The following CPPED1 variants were observed in gnomAD, a reference collection of about 807,000 sequenced individuals.
The protein encoded by CPPED1 is calcineurin like phosphoesterase domain containing 1, also known as serine/threonine-protein phosphatase CPPED1.
A neutral mutation model predicts 28.0 loss-of-function variants in CPPED1; 28 were observed. The observed-to-expected ratio is 1.00, with a 90% CI of 0.74 to 1.37. The LOEUF (loss-of-function observed/expected upper bound fraction) is 1.37, where lower values mean the gene tolerates loss of function less well. Among genes scored for constraint, CPPED1 ranks in the 40% most tolerant of loss-of-function variants. The pLI, the probability that CPPED1 is intolerant of heterozygous loss-of-function variation, is 0.00. For missense variants in CPPED1, 504 were observed against 416.5 expected (o/e 1.21, Z -1.83); for synonymous variants, 198 against 180.2 (o/e 1.10, Z -0.79).
chr16:12,730,705 G>A (rs1005539029), intron 2 of CPPED1, among the ~76,000 whole-genome samples: 2 of 152,124 alleles, frequency 1.3e-5, no homozygotes, highest in East Asian at 3.8e-4. Context: ...AGTCAATACC[G>A]CATGATTTCA....
At chr16:12,775,971 G>A (rs915294679) in intron 2 of CPPED1, among the ~76,000 whole-genome samples, 2 of 152,198 alleles carry the variant, frequency 1.3e-5, no homozygotes, top group African/African-American at 4.8e-5. Flanking sequence ...CTCCAGAGAT[G>A]TTCGACATCC....
At position 12,690,007 on chromosome 16, in the gene CPPED1, C is replaced by T. The variant is rs143852703; in HGVS notation, c.715+14617G>A. 1.1e-4 allele frequency among the ~76,000 whole-genome samples: 16 copies of T among 152,326 alleles called. 1 individual carries two copies. The highest frequency in any genetic ancestry group is 1.3e-4 in the Non-Finnish European group (9 of 68,028). ...ACACAAGTTGAAATTAACTGATTGC[C>T]ATAATTTGTCTCTTTTCTCAAGACA... On this transcript the variant is annotated intron_variant, in intron 3 of 3. Coordinates refer to ENST00000381774, the MANE Select transcript of CPPED1 (RefSeq NM_018340.3).
intron 2 of CPPED1, among the ~76,000 whole-genome samples, chr16:12,739,840 G>A (rs1420321353): frequency 6.6e-6 from 1 of 152,118 alleles, no homozygotes; most frequent in Non-Finnish European, 1.5e-5. Context: ...GGTGTCAGTG[G>A]TACTGCCTCC....
At chr16:12,774,859 T>C (rs2080488667) in intron 2 of CPPED1, among the ~76,000 whole-genome samples, 1 of 152,068 alleles carries the variant, frequency 6.6e-6, no homozygotes. Flanking sequence ...TCTTGCTCTG[T>C]CACCCAGGCT....
intron 2 of CPPED1, among the ~76,000 whole-genome samples, chr16:12,708,324 T>G (rs572172412): frequency 1.2e-4 from 18 of 152,230 alleles, no homozygotes; most frequent in African/African-American, 3.9e-4. Flanking sequence ...GTAAGTCCCT[T>G]GGTTCCTCTG....
At chr16:12,747,611 C>A (rs1000242975) in intron 2 of CPPED1, among the ~76,000 whole-genome samples, 1 of 152,012 alleles carries the variant, frequency 6.6e-6, no homozygotes, top group Non-Finnish European at 1.5e-5. Context: ...AACGAAAACT[C>A]CAGGCCCATG....
intron 3 of CPPED1, among the ~76,000 whole-genome samples, chr16:12,673,639 TGTCC>T (rs1228347597): frequency 6.6e-6 from 1 of 152,180 alleles, no homozygotes; most frequent in Non-Finnish European, 1.5e-5. Flanking sequence ...GTAATATGCA[TGTCC>T]TCTCCATCTG....
At chr16:12,768,563 A>G (rs895873346) in intron 2 of CPPED1, among the ~76,000 whole-genome samples, 11 of 152,212 alleles carry the variant, frequency 7.2e-5, no homozygotes, top group African/African-American at 2.7e-4. Context: ...ATGAAAAGGT[A>G]CCTCCAAAAA....
At chr16:12,704,171 G>C (rs1056184682) in intron 3 of CPPED1, among the ~76,000 whole-genome samples, 9 of 152,172 alleles carry the variant, frequency 5.9e-5, no homozygotes, top group African/African-American at 2.2e-4. Flanking sequence ...CTGCTTCCCA[G>C]AGAAGTGAAA....
rs539637043 is a variant in CPPED1, at chr16:12,682,072, C to T, written c.716-16957G>A. On this transcript the variant is annotated intron_variant, in intron 3 of 3. Coordinates refer to ENST00000381774, the MANE Select transcript of CPPED1 (RefSeq NM_018340.3). The surrounding 1 kb of genome is among the most constrained non-coding windows in gnomAD (Gnocchi z 6.1). ...TTTTTGAGACAGTGTCTCTCTCGGTCGCCTATGTTGGAGTGCAGTGGCGCG... is the reference window on the plus strand; with the variant it reads ...TTTTTGAGACAGTGTCTCTCTCGGTTGCCTATGTTGGAGTGCAGTGGCGCG... Among the ~76,000 whole-genome samples, 7 of 152,142 alleles carry T rather than the reference C, an allele frequency of 4.6e-5. No individual in the cohort carries two copies. The highest frequency in any genetic ancestry group is 2.1e-4 in the South Asian group (1 of 4,798).
chr16:12,762,015 C>CA (rs56991005), intron 2 of CPPED1, among the ~76,000 whole-genome samples: 66,327 of 145,034 alleles, frequency 0.46, 15,769 homozygotes, highest in East Asian at 0.69. Flanking sequence ...ACTCTGTCTC[C>CA]AAAAAAAAAA....
chr16:12,746,173 G>A lies in CPPED1; in HGVS notation c.289+35012C>T, dbSNP rs142283077. Among the ~76,000 whole-genome samples the A allele has an allele frequency of 3.9e-3, 586 of 152,136 alleles. 8 individuals carry two copies. Among genetic ancestry groups the A allele is most frequent in the East Asian group, 0.021 (111 of 5,174 alleles). ...GCAGATCACCTGAAGTCAGGAGTTC[G>A]AGACCAGCCTGGCCAACATGGAAAA... On this transcript the variant is annotated intron_variant, in intron 2 of 3. Transcript: ENST00000381774.
intron 3 of CPPED1, among the ~76,000 whole-genome samples, chr16:12,701,997 C>T (rs956002763): frequency 2.6e-5 from 4 of 152,130 alleles, no homozygotes; most frequent in Admixed American, 1.3e-4. Flanking sequence ...GCTCTGCCTA[C>T]GGGAAGAGAA....
intron 2 of CPPED1, among the ~76,000 whole-genome samples, chr16:12,741,563 T>C (rs534644240): frequency 9.9e-5 from 15 of 152,252 alleles, no homozygotes; most frequent in Admixed American, 3.3e-4. Flanking sequence ...AGAAAAATCA[T>C]GGTTGAAGAG....
At chr16:12,686,320 C>T (rs1198512304) in intron 3 of CPPED1, among the ~76,000 whole-genome samples, 2 of 151,884 alleles carry the variant, frequency 1.3e-5, no homozygotes, top group African/African-American at 2.4e-5. Flanking sequence ...CTTCCTCCCT[C>T]AGCTTCCCCA....
chr16:12,760,699 C>G (rs1159331847), intron 2 of CPPED1: 2 of 152,164 alleles, frequency 1.3e-5, no homozygotes, highest in African/African-American at 4.8e-5. Context: ...ATCAGGGACT[C>G]TGGGGACAGT....
At chr16:12,746,656 T>C (rs1432642688) in intron 2 of CPPED1, among the ~76,000 whole-genome samples, 1 of 152,158 alleles carries the variant, frequency 6.6e-6, no homozygotes, top group African/African-American at 2.4e-5. Context: ...GAAAGGAAAT[T>C]GTCTTTGTAA....
Position 12,726,232 on chromosome 16 carries a change from G to A in CPPED1, c.290-21183C>T, listed in dbSNP as rs1160696997. Among the ~76,000 whole-genome samples the A allele has an allele frequency of 2.0e-5, 3 of 151,684 alleles. No individual in the cohort carries two copies. In the East Asian group the frequency reaches 5.9e-4, roughly 30 times the overall value. ...AATTTTTGTATTTTTAGTAGAGATG[G>A]GGTATCACTGTGTTGGCCAAGCTGG... On this transcript the variant is annotated intron_variant, in intron 2 of 3. Transcript: ENST00000381774.
chr16:12,722,921 G>C (rs1273973336), intron 2 of CPPED1, among the ~76,000 whole-genome samples: 1 of 152,130 alleles, frequency 6.6e-6, no homozygotes, highest in East Asian at 1.9e-4. Context: ...TTGGTCTAAT[G>C]TGAAATGAGC....
Sources: gnomAD v4.1 joint callset for allele counts (sites outside exome capture counted in the v4.1 genomes callset) on GRCh38, gnomAD v4.1.1 for gene constraint, Gnocchi (gnomAD v3.1) non-coding constraint, MANE v1.5 for transcripts, NCBI Gene and HGNC (gene_info 2026-07-23, HGNC 2026-07-21) for gene names.